Variants in HELZ2 observed in about 807,000 individuals in gnomAD.
The protein encoded by HELZ2 is helicase with zinc finger 2.
In HELZ2, 143 loss-of-function variants were observed where a neutral mutation model predicts 208.8. The ratio of observed to expected loss-of-function variants is 0.68; its 90% CI spans 0.60 to 0.79. HELZ2 has a LOEUF of 0.79. HELZ2 is among the 30% of genes least tolerant of loss of function. HELZ2 has a pLI of 0.00. For synonymous variants in HELZ2, 1,705 were observed against 1,693.7 expected, an observed-to-expected ratio of 1.01 and a Z score of -0.16; for missense variants, 3,690 against 3,794.5, an observed-to-expected ratio of 0.97 and a Z score of 0.72.
At chr20:63,569,718 C>T (rs1277821887) in intron 3 of HELZ2, 53 bp from the exon 5 acceptor site, 6 of 1,448,102 alleles carry the variant, frequency 4.1e-6, no homozygotes, top group South Asian at 1.4e-5. Context: ...CCAACCCTCC[C>T]GAGAGGCAGC....
exon 14 of HELZ2, chr20:63,561,265 C>A (rs1323497101): frequency 6.2e-7 from 1 of 1,612,666 alleles, no homozygotes; most frequent in Admixed American, 1.7e-5. Flanking sequence ...CCCACAAGAC[C>A]TTCTTGTACC....
exon 8 of HELZ2, chr20:63,565,381 C>T (rs571511318): frequency 1.2e-6 from 2 of 1,609,322 alleles, no homozygotes; most frequent in South Asian, 1.1e-5. Flanking sequence ...AGGCATCGTC[C>T]AGCGGGATGG....
At chr20:63,564,288 C>G (rs764961918) in exon 8 of HELZ2, 2 of 1,608,652 alleles carry the variant, frequency 1.2e-6, no homozygotes, top group Non-Finnish European at 1.7e-6. Context: ...GTGCCGTCCT[C>G]GTCCGGCTGC....
At chr20:63,570,384 G>A (rs1264558952) in intron 3 of HELZ2, 120 bp downstream of exon 4, 2 of 804,266 alleles carry the variant, frequency 2.5e-6, no homozygotes, top group Non-Finnish European at 4.3e-6. Flanking sequence ...AGGTCACGCA[G>A]GTGCTGAGCG....
chr20:63,569,117 A>G lies in HELZ2; in HGVS notation c.1088+31T>C, dbSNP rs11908531. 2,709 of 1,576,878 alleles carry G rather than the reference A, an allele frequency of 1.7e-3. 47 individuals are homozygous for G. The African/African-American group carries it at 0.035, about 20-fold the overall frequency. The stretch of plus-strand genomic sequence containing the variant: ...TCCCATTGCCCCAGCTGCTCCTGCT[A>G]CCCCAGCTGCTCCTGTTGCCCCCAG... On this transcript the variant is annotated intron_variant, in intron 4 of 18. Coordinates refer to ENST00000467148, the Ensembl canonical transcript of HELZ2.
At position 63,561,989 on chromosome 20, in the gene HELZ2, A is replaced by C. The variant is rs1272543744; in HGVS notation, c.6530-5T>G. On this transcript the variant is annotated splice_region_variant and splice_polypyrimidine_tract_variant and intron_variant, in intron 10 of 18. Coordinates refer to ENST00000467148, the Ensembl canonical transcript of HELZ2. ...CCACGATCGTCTTCCCTGTACCTGCAGCCAGAGAATAGGAGATTGTAGCCC... is the reference window on the plus strand; with the variant it reads ...CCACGATCGTCTTCCCTGTACCTGCCGCCAGAGAATAGGAGATTGTAGCCC... 6.3e-7 allele frequency: 1 copy of C among 1,593,002 alleles called. No homozygotes were observed. The highest frequency in any genetic ancestry group is 2.2e-5 in the East Asian group (1 of 44,446).
At chr20:63,560,763 G>A (rs1362622558) in intron 15 of HELZ2, 32 bp downstream of exon 16, 1 of 1,605,948 alleles carries the variant, frequency 6.2e-7, no homozygotes, top group African/African-American at 1.3e-5. Context: ...AGGGGCTGCA[G>A]GTGGGCTGGG....
At chr20:63,561,271 G>A in exon 14 of HELZ2, 4 of 1,612,564 alleles carry the variant, frequency 2.5e-6, no homozygotes, top group Non-Finnish European at 3.4e-6. Context: ...AGACCTTCTT[G>A]TACCTGCCGG....
rs752542916 is a variant in HELZ2 at position 63,564,029 on chromosome 20, AG to A, written c.4792del (p.Leu1598SerfsTer372). Reference sequence around the variant, plus strand: ...GACCTGCTTCCAGAGGGAGGCCAGGAGGTGCAGCCGCGTGTCGGGGGGACTG... The same window carrying A: ...GACCTGCTTCCAGAGGGAGGCCAGGAGTGCAGCCGCGTGTCGGGGGGACTG... On this transcript the variant is annotated frameshift_variant, in exon 8 of 19. Coordinates refer to ENST00000467148, the Ensembl canonical transcript of HELZ2. LOFTEE classifies it high-confidence loss of function. The A allele has an allele frequency of 6.2e-7, 1 of 1,604,978 alleles. No individual in the cohort carries two copies. The highest frequency in any genetic ancestry group is 1.1e-5 in the South Asian group (1 of 90,650).
At chr20:63,567,306 G>A in exon 6 of HELZ2, 1 of 1,610,082 alleles carries the variant, frequency 6.2e-7, no homozygotes, top group Non-Finnish European at 8.5e-7. Flanking sequence ...TGCCGTGCGA[G>A]GCATAGGCCA....
At position 63,564,390 on chromosome 20, in the gene HELZ2, G is replaced by A. The variant is rs770874448; in HGVS notation, c.4432C>T (p.Arg1478Cys). 95 of 1,549,136 alleles carry A rather than the reference G, an allele frequency of 6.1e-5. No homozygotes were observed. The highest frequency in any genetic ancestry group is 7.4e-5 in the Non-Finnish European group (85 of 1,149,430). The change falls in exon 8 of 19, where the codon CGC becomes TGC. Residue 1478 changes from arginine to cysteine, a missense_variant. Physicochemically the swap from Arg to Cys is radical, Grantham distance 180 (BLOSUM62 -3). This residue lies in a region of HELZ2 where 2,564 missense variants were observed against 2,580.5 expected (regional missense o/e 0.99). Coordinates refer to ENST00000467148, the Ensembl canonical transcript of HELZ2. Reference sequence around the variant, plus strand: ...ACGCAGGCGTCCACGGAGTCCAGGCGGGCCGGCAGCTCACGGCCGGCACCC... The same window carrying A: ...ACGCAGGCGTCCACGGAGTCCAGGCAGGCCGGCAGCTCACGGCCGGCACCC...
Position 63,562,808 on chromosome 20 carries a change from C to A in HELZ2, c.6014G>T (p.Cys2005Phe), listed in dbSNP as rs867367577. 6.2e-7 allele frequency: 1 copy of A among 1,610,358 alleles called. No individual in the cohort carries two copies. Among genetic ancestry groups the A allele is most frequent in the African/African-American group, 1.3e-5 (1 of 75,036 alleles). The change falls in exon 8 of 19, where the codon TGC (cysteine) becomes TTC (phenylalanine). Residue 2005 changes from cysteine (C) to phenylalanine (F), a missense_variant. Physicochemically the swap from Cys to Phe is radical, Grantham distance 205 (BLOSUM62 -2). This residue lies in a region of HELZ2 where 2,564 missense variants were observed against 2,580.5 expected (regional missense o/e 0.99). Transcript: ENST00000467148. ...CTCGAGCCGGATGCAGAGGTAGCAG[C>A]AGCTGAAGTTGATGTCGGCACAGTT...
exon 8 of HELZ2, chr20:63,565,569 C>A (rs1307945072): frequency 1.2e-6 from 2 of 1,608,502 alleles, no homozygotes; most frequent in Admixed American, 3.3e-5. Flanking sequence ...GTCACCATCA[C>A]CTTCTGGCTC....
At chr20:63,562,930 G>A in exon 8 of HELZ2, 1 of 1,593,136 alleles carries the variant, frequency 6.3e-7, no homozygotes, top group South Asian at 1.1e-5. Context: ...GCTGAAGTGT[G>A]ACGGAGTCAT....
exon 8 of HELZ2, chr20:63,563,579 T>C: frequency 6.5e-7 from 1 of 1,529,318 alleles, no homozygotes; most frequent in Non-Finnish European, 8.8e-7. Flanking sequence ...GGAGCCCGCC[T>C]CCACGTCCAC....
At chr20:63,565,618 G>C (rs1330573255) in exon 8 of HELZ2, 1 of 1,610,594 alleles carries the variant, frequency 6.2e-7, no homozygotes, top group East Asian at 2.2e-5. Context: ...CGTCAGCGTT[G>C]AGCTCCCCGT....
At chr20:63,565,788 T>C (rs1158770955) in exon 8 of HELZ2, 2 of 1,600,044 alleles carry the variant, frequency 1.2e-6, no homozygotes, top group South Asian at 2.2e-5. Context: ...GTTGCCGTGA[T>C]GTCACGGGAT....
chr20:63,567,728 C>A, intron 5 of HELZ2, 101 bp from the exon 7 acceptor site: 1 of 1,482,972 alleles, frequency 6.7e-7, no homozygotes, highest in South Asian at 1.3e-5. Context: ...CTGAGCACAG[C>A]CCTTGTCTGG....
At chr20:63,559,869 T>C (rs984350538) in intron 18 of HELZ2, 59 bp downstream of exon 19, 44 of 1,570,744 alleles carry the variant, frequency 2.8e-5, no homozygotes, top group Non-Finnish European at 3.7e-5. Flanking sequence ...GGCAGCTCCC[T>C]AGCCCAGCCC....
Sources: gnomAD v4.1 joint callset for allele counts on GRCh38, gnomAD v4.1.1 for gene constraint, gnomAD v4.1.1 regional missense constraint, MANE v1.5 for transcripts, NCBI Gene and HGNC (gene_info 2026-07-23, HGNC 2026-07-21) for gene names.